Variants in SOX5 observed in about 807,000 individuals in gnomAD.
The protein encoded by SOX5 is SRY-box transcription factor 5.
A neutral mutation model predicts 92.0 loss-of-function variants in SOX5; 9 were observed. The observed-to-expected ratio is 0.10, with a 90% CI of 0.06 to 0.17. The LOEUF is 0.17. Among genes scored for constraint, SOX5 ranks in the 10% least tolerant of loss-of-function variants. SOX5 has a pLI of 1.00. For missense variants in SOX5, 642 were observed against 944.5 expected (o/e 0.68, Z 4.20); for synonymous variants, 344 against 336.3 (o/e 1.02, Z -0.25).
intron 3 of SOX5, among the ~76,000 whole-genome samples, chr12:23,768,174 A>C (rs2141463270): frequency 6.6e-6 from 1 of 152,264 alleles, no homozygotes; most frequent in East Asian, 1.9e-4. Context: ...TAAGGTATAG[A>C]TCAGTATTTC....
intron 3 of SOX5, among the ~76,000 whole-genome samples, chr12:24,223,941 G>A (rs1320944248): frequency 6.6e-6 from 1 of 152,144 alleles, no homozygotes; most frequent in Non-Finnish European, 1.5e-5. Flanking sequence ...TCAGGCAGGT[G>A]GCATCTCCAA....
chr12:23,614,594 T>C (rs1206760644), intron 8 of SOX5, among the ~76,000 whole-genome samples: 1 of 152,234 alleles, frequency 6.6e-6, no homozygotes, highest in Non-Finnish European at 1.5e-5. Context: ...TGTTTTCCAA[T>C]TTTCCAGTGA....
intron 4 of SOX5, among the ~76,000 whole-genome samples, chr12:24,072,819 T>C (rs973141766): frequency 1.3e-5 from 2 of 152,252 alleles, no homozygotes; most frequent in Admixed American, 6.5e-5. Context: ...GTTTCTGTTT[T>C]GAATGCTTTG....
chr12:24,159,841 A>G (rs1952569433), intron 4 of SOX5, among the ~76,000 whole-genome samples: 1 of 151,992 alleles, frequency 6.6e-6, no homozygotes, highest in Admixed American at 6.6e-5. Flanking sequence ...TTATGGATGA[A>G]ACATTATTCA....
At chr12:24,352,021 C>G (rs1954148779) in intron 2 of SOX5, among the ~76,000 whole-genome samples, 1 of 152,164 alleles carries the variant, frequency 6.6e-6, no homozygotes, top group Non-Finnish European at 1.5e-5. Flanking sequence ...AGGAAGAGAG[C>G]TGCCTATTGA....
intron 4 of SOX5, among the ~76,000 whole-genome samples, chr12:24,183,902 A>T (rs1294061420): frequency 2.0e-5 from 3 of 152,172 alleles, no homozygotes; most frequent in Admixed American, 6.5e-5. Flanking sequence ...ACTCGCCTTC[A>T]ATTAATTTGT....
At chr12:24,176,688 G>C (rs1954847087) in intron 4 of SOX5, among the ~76,000 whole-genome samples, 1 of 152,144 alleles carries the variant, frequency 6.6e-6, no homozygotes. Flanking sequence ...ACTGCAGTGG[G>C]AGTCTGCTCC....
At chr12:23,695,805 G>A (rs1408217975) in intron 6 of SOX5, among the ~76,000 whole-genome samples, 1 of 151,304 alleles carries the variant, frequency 6.6e-6, no homozygotes, top group Non-Finnish European at 1.5e-5. Flanking sequence ...GCTGGGCCCG[G>A]TGGCGGGCGC....
intron 3 of SOX5, among the ~76,000 whole-genome samples, chr12:24,255,663 G>C (rs1206803429): frequency 1.3e-5 from 2 of 151,996 alleles, no homozygotes; most frequent in South Asian, 4.1e-4. Flanking sequence ...CAGGCTTCTC[G>C]ACTCGGAAAA....
intron 4 of SOX5, among the ~76,000 whole-genome samples, chr12:24,103,069 C>G (rs1265423274): frequency 6.6e-6 from 1 of 152,120 alleles, no homozygotes; most frequent in Non-Finnish European, 1.5e-5. Context: ...CGGATTGAAC[C>G]CACTGAGAGG....
chr12:24,264,790 T>C (rs141326034), intron 3 of SOX5, among the ~76,000 whole-genome samples: 2 of 152,296 alleles, frequency 1.3e-5, no homozygotes, highest in Non-Finnish European at 2.9e-5. Context: ...ACAAAAACAC[T>C]AGAAGAGTGG....
intron 2 of SOX5, among the ~76,000 whole-genome samples, chr12:23,860,963 A>AC (rs202034713): frequency 0.068 from 9,996 of 145,938 alleles, 1,232 homozygotes; most frequent in East Asian, 0.52. Flanking sequence ...AAAAAAAAAA[A>AC]AAAAAAAAAA....
At chr12:24,038,730 C>T (rs1055529205) in intron 4 of SOX5, among the ~76,000 whole-genome samples, 1 of 152,114 alleles carries the variant, frequency 6.6e-6, no homozygotes, top group Non-Finnish European at 1.5e-5. Flanking sequence ...CTTTCAACTT[C>T]GTATTATTCA....
At chr12:24,144,136 T>C (rs1189625553) in intron 4 of SOX5, among the ~76,000 whole-genome samples, 3 of 151,454 alleles carry the variant, frequency 2.0e-5, no homozygotes, top group Non-Finnish European at 2.9e-5. Context: ...ACAGCAGATT[T>C]CTCATCAGAA....
intron 4 of SOX5, among the ~76,000 whole-genome samples, chr12:24,060,031 T>C (rs773831091): frequency 4.6e-5 from 7 of 152,228 alleles, no homozygotes; most frequent in Admixed American, 2.6e-4. Context: ...AGGTGATGCA[T>C]AGATACATAA....
At chr12:24,058,307 GTAGTT>G (rs1958327083) in intron 4 of SOX5, among the ~76,000 whole-genome samples, 2 of 152,074 alleles carry the variant, frequency 1.3e-5, no homozygotes, top group Non-Finnish European at 2.9e-5. Flanking sequence ...TTTTGTAGTT[GTAGTT>G]TAAAAAAAAA....
intron 6 of SOX5, among the ~76,000 whole-genome samples, chr12:23,671,884 A>G (rs1268679226): frequency 6.6e-6 from 1 of 152,162 alleles, no homozygotes; most frequent in African/African-American, 2.4e-5. Context: ...TAGAACAAAA[A>G]TGAACAGCCA....
chr12:23,591,487 T>A (rs1951549127), intron 9 of SOX5, among the ~76,000 whole-genome samples: 1 of 152,164 alleles, frequency 6.6e-6, no homozygotes, highest in African/African-American at 2.4e-5. Context: ...CAGATCAGAA[T>A]TCTAGTTCAG....
chr12:24,320,557 A>T (rs564354600), intron 2 of SOX5, among the ~76,000 whole-genome samples: 17 of 152,278 alleles, frequency 1.1e-4, no homozygotes, highest in Admixed American at 9.2e-4. Context: ...GCACATTTTG[A>T]AGATGCTTAA....
Sources: gnomAD v4.1 joint callset for allele counts (sites outside exome capture counted in the v4.1 genomes callset) on GRCh38, gnomAD v4.1.1 for gene constraint, MANE v1.5 for transcripts, NCBI Gene and HGNC (gene_info 2026-07-23, HGNC 2026-07-21) for gene names.